Variants in GNPTAB observed in about 807,000 individuals in gnomAD.
GNPTAB encodes the protein N-acetylglucosamine-1-phosphotransferase subunits alpha/beta.
GNPTAB carries 92 observed loss-of-function variants against 136.6 expected under a neutral mutation model. The ratio of observed to expected loss-of-function variants is 0.67; its 90% CI spans 0.57 to 0.80. The LOEUF is 0.80. GNPTAB is among the 30% of genes least tolerant of loss of function. GNPTAB has a pLI of 0.00. For synonymous variants in GNPTAB, 512 were observed against 535.1 expected (o/e 0.96, Z 0.60); for missense variants, 1,343 against 1,501.8 (o/e 0.89, Z 1.75).
rs1453708874 is a variant in GNPTAB, at chr12:101,824,429, TA to T, written c.117+6129del. Among the ~76,000 whole-genome samples the T allele has an allele frequency of 7.2e-3, 693 of 96,910 alleles. 17 individuals carry two copies. The highest frequency in any genetic ancestry group is 0.025 in the African/African-American group (658 of 26,274). The allele number at this position is 96,910 out of a possible 152,430, so 63.6% of individuals were successfully genotyped here. A position where few individuals can be genotyped will look rare whatever the true frequency, so the allele number is the denominator to read the frequency against. On this transcript the variant is annotated intron_variant, in intron 1 of 20. Coordinates refer to ENST00000299314, the MANE Select transcript of GNPTAB (RefSeq NM_024312.5). ...CCATATATATATATATATATATATA[TA>T]TATTTTCTTTTTTTTTTTTTTTTTT...
intron 19 of GNPTAB, among the ~76,000 whole-genome samples, chr12:101,752,609 C>T (rs1952837632): frequency 6.6e-6 from 1 of 152,198 alleles, no homozygotes; most frequent in African/African-American, 2.4e-5. Context: ...TGGGCTAGCC[C>T]CCAAATTGCC....
intron 8 of GNPTAB, 34 bp downstream of exon 8, chr12:101,770,962 A>C: frequency 6.2e-7 from 1 of 1,600,020 alleles, no homozygotes; most frequent in South Asian, 1.1e-5. Flanking sequence ...TTAACCTTTG[A>C]TTTGGGCTGT....
At chr12:101,802,507 G>T (rs1869702178) in intron 1 of GNPTAB, among the ~76,000 whole-genome samples, 2 of 152,066 alleles carry the variant, frequency 1.3e-5, no homozygotes, top group South Asian at 4.1e-4. Flanking sequence ...TCACTGCCAT[G>T]ATCCTGAGGG....
intron 1 of GNPTAB, among the ~76,000 whole-genome samples, chr12:101,826,875 C>T (rs1444562540): frequency 6.6e-6 from 1 of 151,572 alleles, no homozygotes; most frequent in African/African-American, 2.4e-5. Context: ...GACTGATTAC[C>T]TGCTACCTAC....
intron 1 of GNPTAB, among the ~76,000 whole-genome samples, chr12:101,829,371 G>A (rs1871255420): frequency 2.0e-5 from 3 of 152,150 alleles, no homozygotes; most frequent in Admixed American, 2.0e-4. Flanking sequence ...TGTAGTCCCA[G>A]CTACTCAGGA....
chr12:101,822,803 G>A (rs145893199), intron 1 of GNPTAB, among the ~76,000 whole-genome samples: 215 of 152,274 alleles, frequency 1.4e-3, no homozygotes, highest in Non-Finnish European at 2.6e-3. Context: ...CAGGGGCAGG[G>A]GTGCAAGACA....
At chr12:101,759,742 T>C (rs1952963954) in intron 16 of GNPTAB, among the ~76,000 whole-genome samples, 1 of 152,230 alleles carries the variant, frequency 6.6e-6, no homozygotes, top group African/African-American at 2.4e-5. Flanking sequence ...GATTGTTCTC[T>C]CTGGCCAATG....
chr12:101,757,964 T>C (rs1594207863), intron 16 of GNPTAB, among the ~76,000 whole-genome samples: 1 of 151,968 alleles, frequency 6.6e-6, no homozygotes, highest in Admixed American at 6.6e-5. Context: ...TCTTCTGTTA[T>C]CAGCCTGACT....
At position 101,764,658 on chromosome 12, in the gene GNPTAB, T is replaced by C; in HGVS notation, c.2259A>G (p.Ile753Met). The C allele has an allele frequency of 6.2e-7, 1 of 1,613,048 alleles. No individual in the cohort carries two copies. The highest frequency in any genetic ancestry group is 8.5e-7 in the Non-Finnish European group (1 of 1,179,766). The change falls in exon 13 of 21, where the codon ATA becomes ATG. Residue 753 changes from isoleucine to methionine, a missense_variant. Coordinates refer to ENST00000299314, the MANE Select transcript of GNPTAB (RefSeq NM_024312.5). ...AACTGTCATTTGTTTCATCTGTTAT[T>C]ATAGCTTGATTTTTTATTTTAGCAT... ...SQHAKIKNQA[I>M]ITDETNDSLV... is the part of the protein sequence containing the mutation.
At chr12:101,762,791 C>T (rs931207095) in intron 13 of GNPTAB, among the ~76,000 whole-genome samples, 12 of 150,998 alleles carry the variant, frequency 7.9e-5, no homozygotes, top group African/African-American at 2.9e-4. Flanking sequence ...AAACTATTAA[C>T]AGCAATTATC....
intron 18 of GNPTAB, among the ~76,000 whole-genome samples, chr12:101,755,594 C>A (rs1952890297): frequency 6.6e-6 from 1 of 152,168 alleles, no homozygotes; most frequent in African/African-American, 2.4e-5. Flanking sequence ...CCATCACAAG[C>A]AGAGCTAAGA....
intron 11 of GNPTAB, 110 bp downstream of exon 11, chr12:101,767,927 T>C (rs1165482493): frequency 1.6e-6 from 2 of 1,217,372 alleles, no homozygotes; most frequent in South Asian, 1.2e-5. Context: ...TTACTGATTC[T>C]TTATTAATAC....
In GNPTAB at chr12:101,756,960, T is replaced by C. The variant is rs1952909633; in HGVS notation, c.3434+252A>G. 1.1e-5 allele frequency: 4 copies of C among 375,152 alleles called. No individual in the cohort carries two copies. In the East Asian group the frequency reaches 1.8e-4, roughly 17 times the overall value. The allele number at this position is 375,152 out of a possible 1,614,324, so 23.2% of individuals were successfully genotyped here. On this transcript the variant is annotated intron_variant, in intron 18 of 20. Transcript: ENST00000299314. ...CTGGCCTCACCTCCCCACAATGCGATCTGTCCCTGGGTCTCTCTGAACAGC... is the reference window on the plus strand; with the variant it reads ...CTGGCCTCACCTCCCCACAATGCGACCTGTCCCTGGGTCTCTCTGAACAGC...
At chr12:101,797,103 T>C (rs577071865) in intron 1 of GNPTAB, among the ~76,000 whole-genome samples, 2 of 152,228 alleles carry the variant, frequency 1.3e-5, no homozygotes, top group East Asian at 1.9e-4. Flanking sequence ...AGCATGCTTG[T>C]AGGCTGAGAA....
intron 1 of GNPTAB, among the ~76,000 whole-genome samples, chr12:101,816,231 A>T (rs1373749105): frequency 2.0e-5 from 3 of 152,226 alleles, no homozygotes; most frequent in Non-Finnish European, 2.9e-5. Flanking sequence ...ACAGCAAAGG[A>T]AACAATCAAC....
At chr12:101,801,718 G>T (rs1869650033) in intron 1 of GNPTAB, among the ~76,000 whole-genome samples, 1 of 151,642 alleles carries the variant, frequency 6.6e-6, no homozygotes, top group Non-Finnish European at 1.5e-5. Flanking sequence ...AAAGGAGGCT[G>T]TATGAAGGAA....
chr12:101,771,656 A>C (rs1450999231), intron 7 of GNPTAB, among the ~76,000 whole-genome samples: 1 of 152,248 alleles, frequency 6.6e-6, no homozygotes, highest in Non-Finnish European at 1.5e-5. Flanking sequence ...AAAAACAAGA[A>C]GGAATGGTAA....
Position 101,780,165 on chromosome 12 carries a change from G to A in GNPTAB, c.758C>T (p.Ser253Phe), listed in dbSNP as rs1262194867. The A allele has an allele frequency of 6.2e-7, 1 of 1,613,556 alleles. No homozygotes were observed. Among genetic ancestry groups the A allele is most frequent in the African/African-American group, 1.3e-5 (1 of 75,030 alleles). ...CTATGTTCTTACCAGTTTGACTTTA[G>A]AGGAAAGATTTTCTGGCAATTTTGT... ...LKTKLPENLS[S>F]KVKLLQLYSE... Residue 253 changes from serine (S) to phenylalanine (F), a missense_variant, in exon 7 of 21, where the codon TCT (serine) becomes TTT (phenylalanine). Transcript: ENST00000299314.
chr12:101,824,734 C>T (rs1407408563), intron 1 of GNPTAB, among the ~76,000 whole-genome samples: 1 of 151,890 alleles, frequency 6.6e-6, no homozygotes, highest in Non-Finnish European at 1.5e-5. Flanking sequence ...ACATGAGCCA[C>T]CACACCTGGC....
Sources: gnomAD v4.1 joint callset for allele counts (sites outside exome capture counted in the v4.1 genomes callset) on GRCh38, gnomAD v4.1.1 for gene constraint, MANE v1.5 for transcripts, NCBI Gene and HGNC (gene_info 2026-07-23, HGNC 2026-07-21) for gene names.